Variants in IGF2BP3 observed in about 807,000 individuals in gnomAD.
The protein encoded by IGF2BP3 is insulin-like growth factor 2 mRNA-binding protein 3.
In IGF2BP3, 9 loss-of-function variants were observed where a neutral mutation model predicts 73.8. The ratio of observed to expected loss-of-function variants is 0.12; its 90% CI spans 0.07 to 0.21. IGF2BP3 has a LOEUF of 0.21. Among genes scored for constraint, IGF2BP3 ranks in the 10% least tolerant of loss-of-function variants. The pLI is 1.00. For missense variants in IGF2BP3, 542 were observed against 714.0 expected (o/e 0.76, Z 2.75); for synonymous variants, 258 against 256.7 (o/e 1.01, Z -0.05).
chr7:23,341,575 C>T (rs1458202534), intron 10 of IGF2BP3, among the ~76,000 whole-genome samples: 1 of 152,048 alleles, frequency 6.6e-6, no homozygotes, highest in Admixed American at 6.5e-5. Flanking sequence ...GAGGCTGAGG[C>T]ATGAGAATCA....
chr7:23,329,351 C>T (rs904261590), intron 10 of IGF2BP3, among the ~76,000 whole-genome samples: 2 of 152,164 alleles, frequency 1.3e-5, no homozygotes, highest in Non-Finnish European at 2.9e-5. Flanking sequence ...AATAGATATA[C>T]CACAGTTGAT....
intron 3 of IGF2BP3, among the ~76,000 whole-genome samples, chr7:23,406,821 G>C (rs753089497): frequency 6.6e-5 from 10 of 152,252 alleles, no homozygotes; most frequent in Admixed American, 1.3e-4. Context: ...TTTTTATAGA[G>C]TGCTGATTGG....
In IGF2BP3 at chr7:23,435,616, C is replaced by T. The variant is rs910266415; in HGVS notation, c.237-16792G>A. Among the ~76,000 whole-genome samples, 5 of 151,904 alleles carry T rather than the reference C, an allele frequency of 3.3e-5. No individual in the cohort carries two copies. The South Asian group carries it at 6.2e-4, about 19-fold the overall frequency. On this transcript the variant is annotated intron_variant, in intron 2 of 14. Transcript: ENST00000258729. ...GATTACAGGCGCCCACCACCACGCC[C>T]GGCTAATTTTTTTGTATTTTTAGTA... is the stretch of plus-strand genomic sequence containing the variant.
chr7:23,391,618 C>T lies in IGF2BP3; in HGVS notation c.285+27158G>A, dbSNP rs1288443068. On this transcript the variant is annotated intron_variant, in intron 3 of 14. Transcript: ENST00000258729. ...AAACATGAAACTGGGACTTATATTA[C>T]AATGACTAAGGTACTACAAGACATC... 2.6e-5 allele frequency among the ~76,000 whole-genome samples: 4 copies of T among 152,188 alleles called. 1 individual carries two copies. The East Asian group carries it at 7.7e-4, about 29-fold the overall frequency.
chr7:23,369,001 T>A (rs1225791531), intron 3 of IGF2BP3, among the ~76,000 whole-genome samples: 4 of 152,212 alleles, frequency 2.6e-5, no homozygotes, highest in Non-Finnish European at 4.4e-5. Flanking sequence ...AAAAAAATAC[T>A]AAAAGCAACT....
In IGF2BP3 at chr7:23,361,603, G is replaced by C. The variant is rs1251343699; in HGVS notation, c.338-6C>G. 6.2e-7 allele frequency: 1 copy of C among 1,613,474 alleles called. No homozygotes were observed. The highest frequency in any genetic ancestry group is 8.5e-7 in the Non-Finnish European group (1 of 1,179,678). On this transcript the variant is annotated splice_polypyrimidine_tract_variant and splice_region_variant and intron_variant, in intron 4 of 14. Coordinates refer to ENST00000258729, the MANE Select transcript of IGF2BP3 (RefSeq NM_006547.3). ...AGTTTCCGAGTCAGTGTTCACTAGA[G>C]GAAGAGAAAAACGAAGAGAATAAAA... is the stretch of plus-strand genomic sequence containing the variant.
At chr7:23,455,516 C>G (rs919083177) in intron 2 of IGF2BP3, among the ~76,000 whole-genome samples, 1 of 152,176 alleles carries the variant, frequency 6.6e-6, no homozygotes, top group African/African-American at 2.4e-5. Flanking sequence ...TCACATATAC[C>G]CTATGACATA....
At chr7:23,314,188 T>TA (rs1188965328) in intron 12 of IGF2BP3, among the ~76,000 whole-genome samples, 1 of 149,940 alleles carries the variant, frequency 6.7e-6, no homozygotes, top group Non-Finnish European at 1.5e-5. Context: ...TGACTTATTT[T>TA]TTTTTTTTTT....
intron 3 of IGF2BP3, among the ~76,000 whole-genome samples, chr7:23,411,020 C>T (rs1278970100): frequency 2.6e-5 from 4 of 152,124 alleles, no homozygotes; most frequent in Non-Finnish European, 5.9e-5. Context: ...ACTTATTGGC[C>T]GAGTGGCCTG....
chr7:23,388,149 G>A (rs1786148278), intron 3 of IGF2BP3, among the ~76,000 whole-genome samples: 1 of 152,096 alleles, frequency 6.6e-6, no homozygotes, highest in Non-Finnish European at 1.5e-5. Context: ...GTGTTAGCCA[G>A]GATGGTCTCA....
rs34674050 is a variant in IGF2BP3, at chr7:23,443,102, ATTTTT to A, written c.237-24283_237-24279del. The stretch of plus-strand genomic sequence containing the variant: ...ATCTACATATTTAAACATTACAGTG[ATTTTT>A]TTTTTTTTTTTTTTTTTTTTTTTGA... On this transcript the variant is annotated intron_variant, in intron 2 of 14. Transcript: ENST00000258729. 8.3e-4 allele frequency among the ~76,000 whole-genome samples: 71 copies of A among 85,840 alleles called. 1 individual carries two copies. The highest frequency in any genetic ancestry group is 2.8e-3 in the African/African-American group (52 of 18,770). 56.3% of individuals were successfully genotyped at this position (85,840 alleles called of 152,430 possible).
intron 10 of IGF2BP3, among the ~76,000 whole-genome samples, chr7:23,336,420 C>T (rs185376452): frequency 7.1e-4 from 108 of 151,994 alleles, no homozygotes; most frequent in Non-Finnish European, 1.1e-3. Context: ...GCAAAATGCC[C>T]GTCCATCTTT....
intron 3 of IGF2BP3, among the ~76,000 whole-genome samples, chr7:23,388,609 T>C (rs75764284): frequency 6.9e-6 from 1 of 144,480 alleles, no homozygotes; most frequent in African/African-American, 2.6e-5. Context: ...TTCTCCATCT[T>C]TTTTTTTTTT....
intron 12 of IGF2BP3, among the ~76,000 whole-genome samples, chr7:23,315,120 T>A (rs541961847): frequency 1.2e-3 from 188 of 151,528 alleles, no homozygotes; most frequent in African/African-American, 4.1e-3. Flanking sequence ...TATTTTTTTT[T>A]ATTTTTTTAT....
intron 2 of IGF2BP3, among the ~76,000 whole-genome samples, chr7:23,462,654 G>T (rs573401008): frequency 6.6e-6 from 1 of 152,116 alleles, no homozygotes; most frequent in Non-Finnish European, 1.5e-5. Context: ...GAGCCACCTC[G>T]CCTGGCCCAA....
rs368833814 is a variant in IGF2BP3, at chr7:23,375,387, CA to C, written c.286-13647del. Among the ~76,000 whole-genome samples, 24 of 152,200 alleles carry C rather than the reference CA, an allele frequency of 1.6e-4. No individual in the cohort carries two copies. In the East Asian group the frequency reaches 4.1e-3, roughly 26 times the overall value. On this transcript the variant is annotated intron_variant, in intron 3 of 14. Transcript: ENST00000258729. Reference sequence around the variant, plus strand: ...CACCCCCTTCAGGCATAGGGTCCCCCAACATGCCACACAGTCTGGGGGAGTC... The same window carrying C: ...CACCCCCTTCAGGCATAGGGTCCCCCACATGCCACACAGTCTGGGGGAGTC...
intron 3 of IGF2BP3, among the ~76,000 whole-genome samples, chr7:23,402,947 T>C (rs2046800288): frequency 6.6e-6 from 1 of 152,202 alleles, no homozygotes; most frequent in Non-Finnish European, 1.5e-5. Context: ...AAAGAGTCTT[T>C]TACTAATATT....
chr7:23,361,930 T>C (rs1481418248), intron 3 of IGF2BP3, among the ~76,000 whole-genome samples, 189 bp from the exon 4 acceptor site: 1 of 152,166 alleles, frequency 6.6e-6, no homozygotes, highest in Non-Finnish European at 1.5e-5. Flanking sequence ...TTCTGCCCTC[T>C]CCTAGATCCC....
chr7:23,358,365 T>C (rs532594653), intron 5 of IGF2BP3, among the ~76,000 whole-genome samples: 2 of 152,266 alleles, frequency 1.3e-5, no homozygotes, highest in Admixed American at 6.5e-5. Flanking sequence ...CACCTAAAGA[T>C]TGAGCTTTGG....
Sources: allele counts gnomAD v4.1 joint callset (sites outside exome capture counted in the v4.1 genomes callset), GRCh38; gene constraint gnomAD v4.1.1; transcripts MANE v1.5; gene names NCBI Gene and HGNC (gene_info 2026-07-23, HGNC 2026-07-21).